Variants in NOTCH2NLB observed in about 807,000 individuals in gnomAD.
NOTCH2NLB encodes notch 2 N-terminal like B.
A neutral mutation model predicts 14.8 loss-of-function variants in NOTCH2NLB; 1 was observed. The ratio of observed to expected loss-of-function variants is 0.07; its 90% CI spans 0.02 to 0.32. The LOEUF is 0.32. NOTCH2NLB is among the 10% of genes least tolerant of loss of function. The pLI is 1.00. For synonymous variants in NOTCH2NLB, 6 were observed against 57.5 expected (o/e 0.10, Z 4.05); for missense variants, 11 against 155.0 (o/e 0.07, Z 4.93).
chr1:148,712,328 C>CA, the NOTCH2NLB span, among the ~76,000 whole-genome samples: 57 of 141,366 alleles, frequency 4.0e-4, no homozygotes, highest in African/African-American at 1.4e-3. Context: ...AGAAACAAGC[C>CA]AACTCCAAAC....
At chr1:148,698,278 CT>C in the NOTCH2NLB span, among the ~76,000 whole-genome samples, 1 of 63,932 alleles carries the variant, frequency 1.6e-5, no homozygotes, top group Non-Finnish European at 3.4e-5. Flanking sequence ...AAAACAAAAA[CT>C]GTGGTTAGAA....
intron 2 of NOTCH2NLB, among the ~76,000 whole-genome samples, chr1:148,637,597 T>C (rs1403701838): frequency 2.7e-5 from 4 of 148,240 alleles, no homozygotes; most frequent in African/African-American, 7.6e-5. Context: ...ATTTTGCTTT[T>C]AAGTTTTGGG....
intron 2 of NOTCH2NLB, among the ~76,000 whole-genome samples, chr1:148,638,224 A>T (rs1380847251): frequency 6.7e-6 from 1 of 148,904 alleles, no homozygotes; most frequent in Non-Finnish European, 1.5e-5. Flanking sequence ...AATAGATAAG[A>T]AACATGTGCA....
the NOTCH2NLB span, among the ~76,000 whole-genome samples, chr1:148,690,773 CTG>C: frequency 1.8e-4 from 4 of 21,802 alleles, no homozygotes; most frequent in African/African-American, 7.5e-4. Flanking sequence ...CAGGCAGAGA[CTG>C]TACATATATT....
chr1:148,702,821 C>CA, the NOTCH2NLB span, among the ~76,000 whole-genome samples: 1 of 23,110 alleles, frequency 4.3e-5, no homozygotes, highest in Non-Finnish European at 1.1e-4. Context: ...ACTAAAATTA[C>CA]AAAAAATTGG....
chr1:148,686,513 A>G, the NOTCH2NLB span, among the ~76,000 whole-genome samples: 1 of 22,282 alleles, frequency 4.5e-5, no homozygotes, highest in Non-Finnish European at 1.1e-4. Flanking sequence ...TTTCTTTTGC[A>G]AGATATAGCT....
chr1:148,602,277 A>AG (rs1663391779), downstream of NOTCH2NLB, among the ~76,000 whole-genome samples: 1 of 58,134 alleles, frequency 1.7e-5, no homozygotes, highest in East Asian at 1.0e-3. Flanking sequence ...AAAAAAAAAA[A>AG]AAAGAAAAGA....
chr1:148,670,568 A>ATATATG (rs1664755704), intron 1 of NOTCH2NLB, among the ~76,000 whole-genome samples: 1 of 139,540 alleles, frequency 7.2e-6, no homozygotes. Context: ...ATATATATAT[A>ATATATG]TATATATATA....
intron 3 of NOTCH2NLB, among the ~76,000 whole-genome samples, chr1:148,615,228 G>C (rs1385605941): frequency 2.7e-5 from 3 of 109,914 alleles, no homozygotes; most frequent in East Asian, 5.6e-4. Flanking sequence ...TCAAACTCCT[G>C]GGCTCAAGCA....
At chr1:148,620,886 A>G (rs1663855777) in intron 2 of NOTCH2NLB, among the ~76,000 whole-genome samples, 4 of 152,256 alleles carry the variant, frequency 2.6e-5, no homozygotes, top group South Asian at 2.1e-4. Context: ...CATTTACTCA[A>G]TGTGTAATCT....
At chr1:148,604,998 T>C (rs1415379498), downstream of NOTCH2NLB, among the ~76,000 whole-genome samples, 1 of 144,580 alleles carries the variant, frequency 6.9e-6, no homozygotes, top group Non-Finnish European at 1.5e-5. Context: ...CACATTGATA[T>C]GTAACAAGTA....
At chr1:148,605,515 T>C (rs1301731806), downstream of NOTCH2NLB, among the ~76,000 whole-genome samples, 1 of 142,280 alleles carries the variant, frequency 7.0e-6, no homozygotes, top group African/African-American at 2.8e-5. Flanking sequence ...CAGCCAAGAT[T>C]TCCTTACTCT....
At chr1:148,703,039 G>T in the NOTCH2NLB span, among the ~76,000 whole-genome samples, 1 of 29,844 alleles carries the variant, frequency 3.4e-5, no homozygotes, top group Non-Finnish European at 7.4e-5. Context: ...TGAACCCCAG[G>T]GGGTGGAGCC....
In NOTCH2NLB at chr1:148,638,188, G is replaced by A. The variant is rs1258841062; in HGVS notation, c.77+1828C>T. 9.4e-4 allele frequency among the ~76,000 whole-genome samples: 139 copies of A among 148,546 alleles called. 5 individuals are homozygous for A. The highest frequency in any genetic ancestry group is 3.2e-3 in the African/African-American group (129 of 39,748). On this transcript the variant is annotated intron_variant, in intron 2 of 4. Coordinates refer to ENST00000593495, the Ensembl canonical transcript of NOTCH2NLB. Reference sequence around the variant, plus strand: ...GCCACACTGAAATTTTTAAAGGAGAGAACCAGTGTCTTCTTATTTAACATA... The same window carrying A: ...GCCACACTGAAATTTTTAAAGGAGAAAACCAGTGTCTTCTTATTTAACATA...
At chr1:148,661,264 C>G (rs1341880006) in intron 1 of NOTCH2NLB, among the ~76,000 whole-genome samples, 1 of 147,516 alleles carries the variant, frequency 6.8e-6, no homozygotes, top group African/African-American at 2.5e-5. Flanking sequence ...TTCTGGACAG[C>G]TATTCCTTGC....
chr1:148,631,039 T>C (rs1440765216), intron 2 of NOTCH2NLB, among the ~76,000 whole-genome samples: 19 of 132,226 alleles, frequency 1.4e-4, no homozygotes, highest in Non-Finnish European at 1.6e-4. Flanking sequence ...GAGGATTCTA[T>C]AGTGCTTCAG....
At chr1:148,712,487 C>T in the NOTCH2NLB span, among the ~76,000 whole-genome samples, 3 of 152,304 alleles carry the variant, frequency 2.0e-5, no homozygotes, top group African/African-American at 2.4e-5. Flanking sequence ...ATCTACAATG[C>T]TATCTCTTTC....
At chr1:148,693,088 G>A in the NOTCH2NLB span, among the ~76,000 whole-genome samples, 1 of 63,968 alleles carries the variant, frequency 1.6e-5, no homozygotes, top group East Asian at 4.7e-4. Context: ...GAAGAGAGCC[G>A]CCCCCCCCCC....
intron 3 of NOTCH2NLB, among the ~76,000 whole-genome samples, chr1:148,608,519 C>CA (rs1169380071): frequency 1.3e-5 from 2 of 152,250 alleles, no homozygotes; most frequent in Non-Finnish European, 2.9e-5. Context: ...TGCGCAAACA[C>CA]AGATACACCA....
Sources: gnomAD v4.1 joint callset for allele counts (sites outside exome capture counted in the v4.1 genomes callset) on GRCh38, gnomAD v4.1.1 for gene constraint, MANE v1.5 for transcripts, NCBI Gene and HGNC (gene_info 2026-07-23, HGNC 2026-07-21) for gene names.